Variants in SEMA3C observed in about 807,000 individuals in gnomAD.
SEMA3C encodes semaphorin-3C.
SEMA3C carries 47 observed loss-of-function variants against 89.4 expected under a neutral mutation model. The observed-to-expected ratio is 0.53, with a 90% CI of 0.42 to 0.67. SEMA3C has a LOEUF of 0.67. Among genes scored for constraint, SEMA3C ranks in the 30% least tolerant of loss-of-function variants. The probability of loss-of-function intolerance (pLI) is 0.00; values close to 1 mark genes in which losing one functional copy is unlikely to be tolerated. For synonymous variants in SEMA3C, 310 were observed against 320.2 expected (o/e 0.97, Z 0.34); for missense variants, 839 against 929.1 (o/e 0.90, Z 1.26).
intron 14 of SEMA3C, among the ~76,000 whole-genome samples, chr7:80,759,878 T>C (rs1788144612): frequency 6.6e-6 from 1 of 152,208 alleles, no homozygotes; most frequent in Admixed American, 6.5e-5. Flanking sequence ...TCGAGTAAAT[T>C]AGTAAATAAT....
intron 2 of SEMA3C, among the ~76,000 whole-genome samples, chr7:80,891,975 C>T (rs866751517): frequency 6.6e-5 from 10 of 151,978 alleles, no homozygotes; most frequent in African/African-American, 2.4e-4. Flanking sequence ...TATAAGATAC[C>T]TACCCATACG....
intron 16 of SEMA3C, among the ~76,000 whole-genome samples, chr7:80,750,473 T>TATATATACAC (rs869227686): frequency 9.7e-4 from 54 of 55,386 alleles, no homozygotes; most frequent in East Asian, 3.7e-3. Flanking sequence ...TATATATATA[T>TATATATACAC]ACACACACAC....
At chr7:80,811,212 CTTTA>C (rs1327617253) in intron 5 of SEMA3C, among the ~76,000 whole-genome samples, 1 of 152,066 alleles carries the variant, frequency 6.6e-6, no homozygotes, top group African/African-American at 2.4e-5. Flanking sequence ...TTACTCATGA[CTTTA>C]TTTAACAAAA....
chr7:80,785,265 A>G lies in SEMA3C; in HGVS notation c.1354+4041T>C, dbSNP rs541622273. 6.6e-5 allele frequency among the ~76,000 whole-genome samples: 10 copies of G among 152,320 alleles called. No individual in the cohort carries two copies. The South Asian group carries it at 2.1e-3, about 32-fold the overall frequency. On this transcript the variant is annotated intron_variant, in intron 12 of 17. Coordinates refer to ENST00000265361, the MANE Select transcript of SEMA3C (RefSeq NM_006379.5). ...AAATCATTCATAATATTCAAAGTGA[A>G]TATCATTACATGAAATCCTATTTGC...
At chr7:80,890,976 A>T (rs1791597689) in intron 2 of SEMA3C, among the ~76,000 whole-genome samples, 1 of 152,124 alleles carries the variant, frequency 6.6e-6, no homozygotes, top group Non-Finnish European at 1.5e-5. Context: ...ATTGGTTCAG[A>T]TCTCAATTCC....
chr7:80,799,430 G>A (rs961406708), intron 10 of SEMA3C, among the ~76,000 whole-genome samples: 1 of 152,012 alleles, frequency 6.6e-6, no homozygotes. Flanking sequence ...AGAAAAATAT[G>A]AGCAAGATTA....
At chr7:80,895,499 C>T (rs1240133318) in intron 2 of SEMA3C, among the ~76,000 whole-genome samples, 1 of 152,140 alleles carries the variant, frequency 6.6e-6, no homozygotes, top group Non-Finnish European at 1.5e-5. Flanking sequence ...TATTTCTTGA[C>T]TCTAGACTTA....
intron 5 of SEMA3C, among the ~76,000 whole-genome samples, chr7:80,817,411 T>C (rs1345084890): frequency 2.0e-5 from 3 of 152,210 alleles, no homozygotes; most frequent in Non-Finnish European, 4.4e-5. Context: ...CTGGACTTTC[T>C]ATATTTAAGT....
chr7:80,820,061 T>C (rs1789707977), intron 4 of SEMA3C, among the ~76,000 whole-genome samples: 1 of 149,670 alleles, frequency 6.7e-6, no homozygotes. Flanking sequence ...CTCCTTTTTT[T>C]TTTTTTTTTT....
intron 16 of SEMA3C, among the ~76,000 whole-genome samples, chr7:80,750,878 T>C (rs1787919153): frequency 6.6e-6 from 1 of 152,140 alleles, no homozygotes; most frequent in Admixed American, 6.5e-5. Flanking sequence ...TTTAAAATGG[T>C]TAAAATAGTA....
chr7:80,851,045 C>A (rs959670910), intron 2 of SEMA3C, among the ~76,000 whole-genome samples: 1 of 152,058 alleles, frequency 6.6e-6, no homozygotes, highest in Non-Finnish European at 1.5e-5. Context: ...CCGATCTCTC[C>A]CTCTGTGGTC....
chr7:80,753,293 T>C (rs1324320372), intron 15 of SEMA3C, among the ~76,000 whole-genome samples: 1 of 152,224 alleles, frequency 6.6e-6, no homozygotes, highest in Non-Finnish European at 1.5e-5. Flanking sequence ...ACATTTGCTA[T>C]ATTTTGAAGT....
intron 10 of SEMA3C, among the ~76,000 whole-genome samples, chr7:80,799,729 C>T (rs1363600394): frequency 6.6e-6 from 1 of 152,008 alleles, no homozygotes; most frequent in African/African-American, 2.4e-5. Context: ...TGGCACATGC[C>T]TGTAATCCCA....
intron 2 of SEMA3C, among the ~76,000 whole-genome samples, chr7:80,876,497 C>T (rs370591414): frequency 1.8e-4 from 27 of 152,232 alleles, no homozygotes; most frequent in East Asian, 1.4e-3. Context: ...CTTCTCTGTG[C>T]CTCATTCGCC....
At chr7:80,766,611 C>T (rs1332053511) in intron 12 of SEMA3C, among the ~76,000 whole-genome samples, 1 of 151,254 alleles carries the variant, frequency 6.6e-6, no homozygotes, top group Non-Finnish European at 1.5e-5. Context: ...TAAAACCCTT[C>T]ATTCCTTCCT....
At chr7:80,783,876 A>G (rs1788743467) in intron 12 of SEMA3C, among the ~76,000 whole-genome samples, 1 of 152,226 alleles carries the variant, frequency 6.6e-6, no homozygotes, top group South Asian at 2.1e-4. Flanking sequence ...ACGGAAGCTA[A>G]TAAGAAGCAT....
chr7:80,893,209 C>T (rs1226142665), intron 2 of SEMA3C, among the ~76,000 whole-genome samples: 1 of 152,158 alleles, frequency 6.6e-6, no homozygotes, highest in Non-Finnish European at 1.5e-5. Context: ...ACTGCCCTGT[C>T]AGGGCAACTT....
At chr7:80,863,914 ACATATATAT>A (rs1214552944) in intron 2 of SEMA3C, among the ~76,000 whole-genome samples, 1 of 122,114 alleles carries the variant, frequency 8.2e-6, no homozygotes. Context: ...CATATATATC[ACATATATAT>A]CATATATATC....
At chr7:80,862,912 C>A (rs1790806210) in intron 2 of SEMA3C, among the ~76,000 whole-genome samples, 1 of 152,098 alleles carries the variant, frequency 6.6e-6, no homozygotes, top group African/African-American at 2.4e-5. Flanking sequence ...GAAACTGGAT[C>A]CTCATCTCTC....
Sources: gnomAD v4.1 joint callset for allele counts (sites outside exome capture counted in the v4.1 genomes callset) on GRCh38, gnomAD v4.1.1 for gene constraint, MANE v1.5 for transcripts, NCBI Gene and HGNC (gene_info 2026-07-23, HGNC 2026-07-21) for gene names.